Variants in NRXN3 observed in about 807,000 individuals in gnomAD.
The protein encoded by NRXN3 is neurexin III.
Under a neutral mutation model 137.6 loss-of-function variants are expected in NRXN3, and 32 were observed. The ratio of observed to expected loss-of-function variants is 0.23; its 90% confidence interval spans 0.18 to 0.31. The LOEUF is 0.31. Ranked by LOEUF, NRXN3 falls within the 10% of genes least tolerant of loss-of-function variation. The pLI is 1.00. For missense variants in NRXN3, 1,574 were observed against 2,062.5 expected (o/e 0.76, Z 4.59); for synonymous variants, 798 against 784.5 (o/e 1.02, Z -0.29).
chr14:78,273,883 T>G (rs1187398412), intron 2 of NRXN3, among the ~76,000 whole-genome samples: 1 of 152,176 alleles, frequency 6.6e-6, no homozygotes, highest in African/African-American at 2.4e-5. Flanking sequence ...CATTTAAATC[T>G]GTATTCTATT....
At chr14:79,216,268 A>T (rs7160468) in intron 15 of NRXN3, among the ~76,000 whole-genome samples, 4,259 of 152,234 alleles carry the variant, frequency 0.028, 144 homozygotes, top group East Asian at 0.097. Flanking sequence ...CGCTTCTGAG[A>T]GAGAAGTCCT....
At chr14:79,152,506 C>T (rs1045219438) in intron 15 of NRXN3, among the ~76,000 whole-genome samples, 14 of 151,788 alleles carry the variant, frequency 9.2e-5, no homozygotes, top group Admixed American at 7.9e-4. Context: ...ATCCAAAACT[C>T]GGTAATTTAT....
At chr14:78,225,922 G>A (rs1486593099) in intron 1 of NRXN3, among the ~76,000 whole-genome samples, 1 of 147,952 alleles carries the variant, frequency 6.8e-6, no homozygotes, top group African/African-American at 2.5e-5. Flanking sequence ...GGAACTTACA[G>A]GGTGCCTAGC....
chr14:78,175,760 T>A (rs950149504), intron 1 of NRXN3, among the ~76,000 whole-genome samples: 8 of 152,146 alleles, frequency 5.3e-5, no homozygotes, highest in Admixed American at 5.2e-4. Context: ...TGCAGGTTGT[T>A]CCTCAAATTA....
chr14:78,185,853 T>A (rs1569326), intron 1 of NRXN3, among the ~76,000 whole-genome samples: 1 of 152,062 alleles, frequency 6.6e-6, no homozygotes, highest in African/African-American at 2.4e-5. Flanking sequence ...CACAATGGGA[T>A]GCTCCTGTAG....
chr14:78,901,147 C>G (rs1243701713), intron 10 of NRXN3, among the ~76,000 whole-genome samples: 1 of 151,970 alleles, frequency 6.6e-6, no homozygotes, highest in East Asian at 1.9e-4. Context: ...CCTTATTCAT[C>G]AATTCATTCC....
At chr14:79,019,838 G>A (rs1450963671) in intron 15 of NRXN3, among the ~76,000 whole-genome samples, 2 of 152,104 alleles carry the variant, frequency 1.3e-5, no homozygotes, top group Non-Finnish European at 2.9e-5. Flanking sequence ...GGGATGCCCT[G>A]AGTAATCCAA....
intron 19 of NRXN3, among the ~76,000 whole-genome samples, chr14:79,780,574 A>G (rs933031782): frequency 2.6e-5 from 4 of 152,114 alleles, no homozygotes; most frequent in Non-Finnish European, 4.4e-5. Flanking sequence ...GCGCCACTGC[A>G]CTCCAGCCTG....
intron 1 of NRXN3, among the ~76,000 whole-genome samples, chr14:78,191,447 G>A (rs578162224): frequency 6.6e-6 from 1 of 152,308 alleles, no homozygotes; most frequent in African/African-American, 2.4e-5. Context: ...TCAGAACGGA[G>A]GGACAGACGG....
chr14:79,430,708 C>G (rs1458982494), intron 15 of NRXN3, among the ~76,000 whole-genome samples: 2 of 152,288 alleles, frequency 1.3e-5, no homozygotes, highest in East Asian at 3.9e-4. Flanking sequence ...CCAGGTACCA[C>G]ATAACTGTCT....
At chr14:79,583,529 GCT>G (rs2097736989) in intron 16 of NRXN3, among the ~76,000 whole-genome samples, 1 of 151,958 alleles carries the variant, frequency 6.6e-6, no homozygotes, top group African/African-American at 2.4e-5. Context: ...TAAGAAGTGT[GCT>G]TTTGTTGGTG....
chr14:78,795,653 A>G (rs1184679041), intron 8 of NRXN3, among the ~76,000 whole-genome samples: 1 of 152,252 alleles, frequency 6.6e-6, no homozygotes, highest in African/African-American at 2.4e-5. Context: ...GGGACTAAGA[A>G]AAATTTTATG....
intron 10 of NRXN3, among the ~76,000 whole-genome samples, chr14:78,843,350 G>A (rs1037851793): frequency 8.6e-5 from 13 of 151,994 alleles, no homozygotes; most frequent in East Asian, 3.9e-4. Flanking sequence ...GGTAAGACAC[G>A]TATTCTTTTT....
chr14:78,330,068 G>C (rs1412231096), intron 4 of NRXN3, among the ~76,000 whole-genome samples: 1 of 152,162 alleles, frequency 6.6e-6, no homozygotes, highest in Non-Finnish European at 1.5e-5. Flanking sequence ...TGGTTGCAGA[G>C]TTTGATTTCT....
intron 4 of NRXN3, among the ~76,000 whole-genome samples, chr14:78,331,484 TG>T (rs1240745021): frequency 6.6e-6 from 1 of 152,146 alleles, no homozygotes; most frequent in East Asian, 1.9e-4. Flanking sequence ...CAAAGCATCA[TG>T]GGGGCAGAGA....
At chr14:78,224,603 A>G (rs2064266753) in intron 1 of NRXN3, among the ~76,000 whole-genome samples, 1 of 151,910 alleles carries the variant, frequency 6.6e-6, no homozygotes, top group African/African-American at 2.4e-5. Flanking sequence ...AAGGACATGA[A>G]CTCATCATTT....
At chr14:78,963,615 TA>T (rs2099412292) in intron 11 of NRXN3, among the ~76,000 whole-genome samples, 2 of 152,368 alleles carry the variant, frequency 1.3e-5, no homozygotes, top group African/African-American at 4.8e-5. Context: ...TAAGCAATTT[TA>T]TTTCCTAGTT....
chr14:79,794,356 T>A (rs1042154002), intron 19 of NRXN3, among the ~76,000 whole-genome samples: 3 of 151,850 alleles, frequency 2.0e-5, no homozygotes, highest in Non-Finnish European at 4.4e-5. Context: ...AGAGTGAGAC[T>A]CTGTCTCAAA....
chr14:78,843,568 T>C (rs529844922), intron 10 of NRXN3, among the ~76,000 whole-genome samples: 67 of 152,244 alleles, frequency 4.4e-4, no homozygotes, highest in African/African-American at 1.6e-3. Context: ...ATACTAAGCA[T>C]GCAAAAAGAT....
Sources: gnomAD v4.1 joint callset for allele counts (sites outside exome capture counted in the v4.1 genomes callset) on GRCh38, gnomAD v4.1.1 for gene constraint, MANE v1.5 for transcripts, NCBI Gene and HGNC (gene_info 2026-07-23, HGNC 2026-07-21) for gene names.